Variants in ZNF469 observed in about 807,000 individuals in gnomAD.
ZNF469 encodes the protein zinc finger protein 469.
A neutral mutation model predicts 1.0 loss-of-function variants in ZNF469; 1 was observed. The ratio of observed to expected loss-of-function variants is 1.00; its 90% CI spans 0.35 to 4.73. The LOEUF (loss-of-function observed/expected upper bound fraction) is 4.73, where lower values mean the gene tolerates loss of function less well. Among genes scored for constraint, ZNF469 ranks in the 30% most tolerant of loss-of-function variants. The pLI is 0.16. For synonymous variants in ZNF469, 2,703 were observed against 2,363.4 expected, an observed-to-expected ratio of 1.14 and a Z score of -4.17; for missense variants, 6,100 against 5,356.3, an observed-to-expected ratio of 1.14 and a Z score of -4.33.
chr16:88,279,518 CACT>C, the ZNF469 span, among the ~76,000 whole-genome samples: 2 of 143,118 alleles, frequency 1.4e-5, no homozygotes, highest in African/African-American at 5.4e-5. Flanking sequence ...TGCTGTGCCA[CACT>C]GACACTCGGT....
the ZNF469 span, among the ~76,000 whole-genome samples, chr16:88,377,892 G>GA: frequency 5.3e-5 from 8 of 151,168 alleles, no homozygotes; most frequent in East Asian, 1.9e-4. Context: ...TTGATGCCAG[G>GA]AAAAAAAAAT....
At chr16:88,358,623 A>G in the ZNF469 span, among the ~76,000 whole-genome samples, 5 of 152,234 alleles carry the variant, frequency 3.3e-5, no homozygotes, top group East Asian at 9.7e-4. Context: ...CTTGCAGAGA[A>G]CGCCAGGTCT....
chr16:88,190,384 C>T, the ZNF469 span, among the ~76,000 whole-genome samples: 4 of 152,258 alleles, frequency 2.6e-5, no homozygotes, highest in South Asian at 2.1e-4. Flanking sequence ...ACCATGCACC[C>T]GGCACCACAC....
At chr16:88,312,180 A>G in the ZNF469 span, among the ~76,000 whole-genome samples, 1 of 152,184 alleles carries the variant, frequency 6.6e-6, no homozygotes, top group South Asian at 2.1e-4. Context: ...AACCACCCCC[A>G]TGATTCAATT....
chr16:88,160,991 A>C, the ZNF469 span, among the ~76,000 whole-genome samples: 151,890 of 152,154 alleles, frequency 1, 75,813 homozygotes, highest in Middle Eastern at 1. Context: ...TTAAAAATAC[A>C]AAAATTAGCT....
chr16:88,226,739 GC>G, the ZNF469 span, among the ~76,000 whole-genome samples: 3 of 70,402 alleles, frequency 4.3e-5, no homozygotes, highest in African/African-American at 1.2e-4. Flanking sequence ...GGCCCTGCCC[GC>G]CCCCCAACCC....
the ZNF469 span, among the ~76,000 whole-genome samples, chr16:88,232,475 C>T: frequency 6.6e-6 from 1 of 152,146 alleles, no homozygotes; most frequent in Admixed American, 6.5e-5. Context: ...CTGGCCACTG[C>T]AATCTCTGGA....
chr16:88,246,953 G>T, the ZNF469 span, among the ~76,000 whole-genome samples: 3 of 152,122 alleles, frequency 2.0e-5, no homozygotes, highest in Non-Finnish European at 4.4e-5. Flanking sequence ...GTGAATGAAT[G>T]AATGAGTGAA....
chr16:88,370,854 A>G, the ZNF469 span, among the ~76,000 whole-genome samples: 1 of 152,252 alleles, frequency 6.6e-6, no homozygotes, highest in Admixed American at 6.5e-5. Flanking sequence ...CGATGCAAGT[A>G]GAAAAAGCTT....
chr16:88,420,414 T>TCA (rs1905422687), intron 1 of ZNF469, among the ~76,000 whole-genome samples: 1 of 152,140 alleles, frequency 6.6e-6, no homozygotes, highest in Non-Finnish European at 1.5e-5. Context: ...TATCAGGGTG[T>TCA]CACAGACAGG....
chr16:88,323,069 G>T, the ZNF469 span, among the ~76,000 whole-genome samples: 1 of 152,206 alleles, frequency 6.6e-6, no homozygotes, highest in African/African-American at 2.4e-5. Context: ...TGGCACATGA[G>T]CCTCAGTTCC....
In ZNF469 at chr16:88,393,884, C is replaced by T. The variant is rs114473494; in HGVS notation, c.-192+10630C>T. On this transcript the variant is annotated intron_variant, in intron 1 of 2. Coordinates refer to ENST00000565624, the MANE Select transcript of ZNF469 (RefSeq NM_001367624.2). ...AGGGCATGTGTCCAGGAGACGTCATCGGGGACCCCAAAGGGCGAGCCATGC... is the reference window on the plus strand; with the variant it reads ...AGGGCATGTGTCCAGGAGACGTCATTGGGGACCCCAAAGGGCGAGCCATGC... Among the ~76,000 whole-genome samples the T allele has an allele frequency of 1.6e-3, 245 of 152,326 alleles. 1 individual carries two copies. Among genetic ancestry groups the T allele is most frequent in the African/African-American group, 5.5e-3 (230 of 41,566 alleles).
the ZNF469 span, among the ~76,000 whole-genome samples, chr16:88,308,714 G>A: frequency 6.6e-6 from 1 of 152,208 alleles, no homozygotes; most frequent in Non-Finnish European, 1.5e-5. Context: ...GAGGTCCATG[G>A]GATGCAAAGC....
chr16:88,389,361 C>T (rs1031970550), intron 1 of ZNF469, among the ~76,000 whole-genome samples: 1 of 152,254 alleles, frequency 6.6e-6, no homozygotes, highest in African/African-American at 2.4e-5. Flanking sequence ...CGGCTGAGCG[C>T]TGTTCTGCCC....
At chr16:88,415,193 AC>A in intron 1 of ZNF469, among the ~76,000 whole-genome samples, 2 of 152,154 alleles carry the variant, frequency 1.3e-5, no homozygotes, top group African/African-American at 4.8e-5. Context: ...CCCGGTGACC[AC>A]CCGGAACATC....
chr16:88,128,960 A>C, the ZNF469 span, among the ~76,000 whole-genome samples: 23 of 152,376 alleles, frequency 1.5e-4, no homozygotes, highest in African/African-American at 5.3e-4. Context: ...ACCTTCGATG[A>C]CTGGAAAATG....
chr16:88,432,458 C>T lies in ZNF469; in HGVS notation c.4988C>T (p.Ser1663Phe). ...GGGGGGACGTGGCCCTGCCCAGCCT[C>T]CTTCCATCCGGGACATGCAGCCCTT... ...RPGGTWPCPA[S>F]FHPGHAALLP... The change falls in exon 3 of 3, where the codon TCC (serine) becomes TTC (phenylalanine). Residue 1663 changes from serine to phenylalanine, a missense_variant. Physicochemically the swap from Ser to Phe is radical, Grantham distance 155. Coordinates refer to ENST00000565624, the MANE Select transcript of ZNF469 (RefSeq NM_001367624.2). 1 of 1,550,356 alleles carries T rather than the reference C, an allele frequency of 6.5e-7. No homozygotes were observed.
the ZNF469 span, among the ~76,000 whole-genome samples, chr16:88,259,811 G>A: frequency 6.6e-6 from 1 of 152,162 alleles, no homozygotes; most frequent in Non-Finnish European, 1.5e-5. This position sits in a 1 kb window ranked among gnomAD's most constrained non-coding sequence, Gnocchi z 4.1. Context: ...CCCTGGGGTG[G>A]GGGGCTGCAG....
At chr16:88,220,580 G>A in the ZNF469 span, among the ~76,000 whole-genome samples, 3 of 152,138 alleles carry the variant, frequency 2.0e-5, no homozygotes, top group Non-Finnish European at 2.9e-5. Flanking sequence ...ACTGATTCTC[G>A]TGATTTATCT....
Sources: gnomAD v4.1 joint callset for allele counts (sites outside exome capture counted in the v4.1 genomes callset) on GRCh38, gnomAD v4.1.1 for gene constraint, Gnocchi (gnomAD v3.1) non-coding constraint, MANE v1.5 for transcripts, NCBI Gene and HGNC (gene_info 2026-07-23, HGNC 2026-07-21) for gene names.